The following C11orf42 variants were observed in gnomAD, a reference collection of about 807,000 sequenced individuals.
C11orf42 encodes the protein chromosome 11 open reading frame 42, also known as uncharacterized protein C11orf42.
C11orf42 carries 24 observed loss-of-function variants against 27.9 expected under a neutral mutation model. That is an observed-to-expected ratio of 0.86 (90% confidence interval 0.62 to 1.21). The LOEUF is 1.21. C11orf42 is among the 50% of genes most tolerant of loss of function. C11orf42 has a pLI of 0.00. For synonymous variants in C11orf42, 187 were observed against 180.8 expected, an observed-to-expected ratio of 1.03 and a Z score of -0.28; for missense variants, 455 against 424.1, an observed-to-expected ratio of 1.07 and a Z score of -0.64.
intron 1 of C11orf42, among the ~76,000 whole-genome samples, chr11:6,207,461 T>G (rs1041419374): frequency 6.6e-6 from 1 of 152,206 alleles, no homozygotes. Flanking sequence ...TTGTCTTATT[T>G]GTGTAGGATC....
rs1847054669 is a variant in C11orf42 at position 6,210,920 on chromosome 11, C to A, written c.880C>A (p.Leu294Ile). Reference protein sequence around the residue: ...RGPQILSENWLFSPRSPPPGA... With the variant: ...RGPQILSENWIFSPRSPPPGA... ...ATCCCCAACCCTGGCAGAGAACTGG[C>A]TCTTCAGCCCCCGCAGCCCTCCACC... Residue 294 changes from leucine to isoleucine, a missense_variant, in exon 3 of 3, where the codon CTC (leucine) becomes ATC (isoleucine). Physicochemically the swap from Leu to Ile is conservative, Grantham distance 5. Coordinates refer to ENST00000316375, the MANE Select transcript of C11orf42 (RefSeq NM_173525.3). The surrounding 1 kb of genome is among the most constrained non-coding windows in gnomAD (Gnocchi z 4.0). 6.2e-7 allele frequency: 1 copy of A among 1,606,404 alleles called. No homozygotes were observed. Among genetic ancestry groups the A allele is most frequent in the Non-Finnish European group, 8.5e-7 (1 of 1,177,300 alleles).
chr11:6,209,706 C>A lies in C11orf42; in HGVS notation c.73-144C>A, dbSNP rs544108196. On this transcript the variant is annotated intron_variant, in intron 1 of 2. Transcript: ENST00000316375. ...ACGTAAACATTCAAGGTTTTGCTGC[C>A]GGAGAGCTGGGAGGTAAGCAGAAAG... 104 of 766,442 alleles carry A rather than the reference C, an allele frequency of 1.4e-4. 1 individual carries two copies. The highest frequency in any genetic ancestry group is 1.3e-3 in the Middle Eastern group (4 of 3,076). The allele number at this position is 766,442 out of a possible 1,614,324, so 47.5% of individuals were successfully genotyped here.
At chr11:6,207,402 T>C (rs1202436523) in intron 1 of C11orf42, among the ~76,000 whole-genome samples, 1 of 152,198 alleles carries the variant, frequency 6.6e-6, no homozygotes, top group African/African-American at 2.4e-5. Context: ...ACCAGATATA[T>C]TAAATGTCAC....
In C11orf42 at chr11:6,210,225, C is replaced by G. The variant is rs1847034224; in HGVS notation, c.448C>G (p.Leu150Val). 1 of 1,614,240 alleles carries G rather than the reference C, an allele frequency of 6.2e-7. No individual in the cohort carries two copies. The highest frequency in any genetic ancestry group is 8.5e-7 in the Non-Finnish European group (1 of 1,180,040). The change falls in exon 2 of 3, where the codon CTT becomes GTT. Residue 150 changes from leucine to valine, a missense_variant. Leu to Val is a conservative substitution (Grantham distance 32, BLOSUM62 1). Coordinates refer to ENST00000316375, the MANE Select transcript of C11orf42 (RefSeq NM_173525.3). The surrounding 1 kb of genome is among the most constrained non-coding windows in gnomAD (Gnocchi z 4.0). ...PPGQVSLQQT[L>V]PWLRSTHSIY... Reference sequence around the variant, plus strand: ...AGGGCAGGTGAGCCTACAGCAGACTCTTCCCTGGCTCCGAAGCACCCACAG... The same window carrying G: ...AGGGCAGGTGAGCCTACAGCAGACTGTTCCCTGGCTCCGAAGCACCCACAG...
rs757745324 is a variant in C11orf42 at position 6,210,395 on chromosome 11, C to T, written c.618C>T (p.Gly206=). 20 of 1,614,034 alleles carry T rather than the reference C, an allele frequency of 1.2e-5. No individual in the cohort carries two copies. Among genetic ancestry groups the T allele is most frequent in the Admixed American group, 1.2e-4 (7 of 60,000 alleles). Residue 206 remains glycine (G), a synonymous_variant, in exon 2 of 3, where the codon GGC becomes GGT. Coordinates refer to ENST00000316375, the MANE Select transcript of C11orf42 (RefSeq NM_173525.3). This position sits in a 1 kb window ranked among gnomAD's most constrained non-coding sequence, Gnocchi z 4.0. The stretch of plus-strand genomic sequence containing the variant: ...TCAAGTTTTCACTGCAGTCTAAGGG[C>T]GTGCTGGGACCACAGAAGCCTCTCA... The part of the protein sequence containing the change: ...SCLKFSLQSK[G]VLGPQKPLTK...
intron 1 of C11orf42, among the ~76,000 whole-genome samples, chr11:6,207,509 G>A (rs963897647): frequency 1.3e-5 from 2 of 152,214 alleles, no homozygotes; most frequent in African/African-American, 4.8e-5. Context: ...AGATTCTGAT[G>A]TCATGCTTGG....
chr11:6,208,572 G>C (rs192004530), intron 1 of C11orf42, among the ~76,000 whole-genome samples: 1 of 152,084 alleles, frequency 6.6e-6, no homozygotes, highest in African/African-American at 2.4e-5. Context: ...GATTACAGGC[G>C]TGTGCCACCA....
Position 6,210,552 on chromosome 11 carries a change from C to T in C11orf42, c.775C>T (p.Pro259Ser). The change falls in exon 2 of 3, where the codon CCT (proline) becomes TCT (serine). Residue 259 changes from proline (P) to serine (S), a missense_variant. By Grantham distance (74) the Pro-to-Ser change is moderately conservative (BLOSUM62 -1). Transcript: ENST00000316375. This position sits in a 1 kb window ranked among gnomAD's most constrained non-coding sequence, Gnocchi z 4.0. ...TGTGCCCCCACCTGTCCCAGCCCCA[C>T]CTACGCCACCTCCCCAGGAAGGGCC... ...ADVPPPVPAP[P>S]TPPPQEGPED... 6.2e-7 allele frequency: 1 copy of T among 1,613,932 alleles called. No individual in the cohort carries two copies. The highest frequency in any genetic ancestry group is 8.5e-7 in the Non-Finnish European group (1 of 1,179,936).
chr11:6,206,598 G>A lies in C11orf42; in HGVS notation c.72+911G>A, dbSNP rs139737200. The stretch of plus-strand genomic sequence containing the variant: ...TAAAGCAGTGCCTACCACACTCAAA[G>A]AAGATTTAATGGCATGCTGCTTCCA... On this transcript the variant is annotated intron_variant, in intron 1 of 2. Coordinates refer to ENST00000316375, the MANE Select transcript of C11orf42 (RefSeq NM_173525.3). 3.6e-3 allele frequency among the ~76,000 whole-genome samples: 547 copies of A among 151,596 alleles called. 3 individuals are homozygous for A. Among genetic ancestry groups the A allele is most frequent in the African/African-American group, 0.013 (537 of 41,304 alleles).
chr11:6,205,691 G>A lies in C11orf42; in HGVS notation c.72+4G>A, dbSNP rs766736240. On this transcript the variant is annotated splice_donor_region_variant and intron_variant, in intron 1 of 2. Coordinates refer to ENST00000316375, the MANE Select transcript of C11orf42 (RefSeq NM_173525.3). Reference sequence around the variant, plus strand: ...CTGGACCCTCATCAAGGATAAGGTAGGTAAAGTAAGGAGGCTAAAGAGGAA... The same window carrying A: ...CTGGACCCTCATCAAGGATAAGGTAAGTAAAGTAAGGAGGCTAAAGAGGAA... 1 of 1,612,700 alleles carries A rather than the reference G, an allele frequency of 6.2e-7. No homozygotes were observed. Among genetic ancestry groups the A allele is most frequent in the Non-Finnish European group, 8.5e-7 (1 of 1,178,974 alleles).
rs1168253316 is a variant in C11orf42 at position 6,210,976 on chromosome 11, C to T, written c.936C>T (p.Pro312=). 3.7e-6 allele frequency: 6 copies of T among 1,607,232 alleles called. No homozygotes were observed. The highest frequency in any genetic ancestry group is 2.2e-5 in the East Asian group (1 of 44,786). ...CCCAGGGTGGGGGCCCCAGGGACCC[C>T]GACGGGCACTCCATGTCCCTGCCCC... ...PGAQGGGPRD[P]DGHSMSLPLL... is the part of the protein sequence containing the mutation. Residue 312 remains proline, a synonymous_variant, in exon 3 of 3, where the codon CCC becomes CCT. Transcript: ENST00000316375. The surrounding 1 kb of genome is among the most constrained non-coding windows in gnomAD (Gnocchi z 4.0).
In C11orf42 at chr11:6,211,115, AGCT is replaced by A; in HGVS notation, c.*80_*82del. ...GGGGTACTGGTCTCTAATAAACATCAGCTGCTGCTCCCCCAAACCATCCTGGGC... is the reference window on the plus strand; with the variant it reads ...GGGGTACTGGTCTCTAATAAACATCAGCTGCTCCCCCAAACCATCCTGGGC... On this transcript the variant is annotated 3_prime_UTR_variant, in exon 3 of 3. Transcript: ENST00000316375. The A allele has an allele frequency of 1.9e-6, 3 of 1,571,180 alleles. No homozygotes were observed. The highest frequency in any genetic ancestry group is 2.6e-6 in the Non-Finnish European group (3 of 1,162,772).
chr11:6,210,329 C>A lies in C11orf42; in HGVS notation c.552C>A (p.Leu184=). Residue 184 remains leucine, a synonymous_variant, in exon 2 of 3, where the codon CTC becomes CTA. Coordinates refer to ENST00000316375, the MANE Select transcript of C11orf42 (RefSeq NM_173525.3). The surrounding 1 kb of genome is among the most constrained non-coding windows in gnomAD (Gnocchi z 4.0). ...CGTCTACAGCCCGTGAGCCCCAGCT[C>A]CTCCGGCTACTTCGGTCATTACCTG... ...GLTSTAREPQ[L]LRLLRSLPVA... 3 of 1,614,196 alleles carry A rather than the reference C, an allele frequency of 1.9e-6. No individual in the cohort carries two copies. The South Asian group carries it at 3.3e-5, about 18-fold the overall frequency.
At position 6,205,604 on chromosome 11, in the gene C11orf42, C is replaced by T. The variant is rs752200373; in HGVS notation, c.-12C>T. The T allele has an allele frequency of 6.2e-7, 1 of 1,612,422 alleles. No homozygotes were observed. The highest frequency in any genetic ancestry group is 1.3e-5 in the African/African-American group (1 of 74,870). On this transcript the variant is annotated 5_prime_UTR_variant, in exon 1 of 3. Transcript: ENST00000316375. ...CAGCCACTGCCCTGCCCAATCCCTC[C>T]CATACCCCACCATGTTGGTGGGTAC...
chr11:6,207,454 T>C (rs1009101603), intron 1 of C11orf42, among the ~76,000 whole-genome samples: 1 of 152,212 alleles, frequency 6.6e-6, no homozygotes, highest in Non-Finnish European at 1.5e-5. Context: ...CTCCCATTTG[T>C]CTTATTTGTG....
At position 6,209,989 on chromosome 11, in the gene C11orf42, G is replaced by A. The variant is rs113327113; in HGVS notation, c.212G>A (p.Arg71Gln). 2.4e-5 allele frequency: 38 copies of A among 1,614,032 alleles called. No homozygotes were observed. The highest frequency in any genetic ancestry group is 1.1e-4 in the African/African-American group (8 of 75,062). Residue 71 changes from arginine (R) to glutamine (Q), a missense_variant, in exon 2 of 3, where the codon CGG becomes CAG. Transcript: ENST00000316375. Reference sequence around the variant, plus strand: ...CTGGCTTTGCCAGGTCGGCAGGGCCGGAGGGCACTGAAACCAGTGGGGCCA... The same window carrying A: ...CTGGCTTTGCCAGGTCGGCAGGGCCAGAGGGCACTGAAACCAGTGGGGCCA... The part of the protein sequence containing the change: ...TRLALPGRQG[R>Q]RALKPVGPLP...
chr11:6,211,051 C>T lies in C11orf42; in HGVS notation c.*9C>T. On this transcript the variant is annotated 3_prime_UTR_variant, in exon 3 of 3. Coordinates refer to ENST00000316375, the MANE Select transcript of C11orf42 (RefSeq NM_173525.3). ...TCGACAGTGACGACTGAAGCTGAAG[C>T]AAAAGATTCCGGGGGCAAAGCCCCC... 3.1e-6 allele frequency: 5 copies of T among 1,609,290 alleles called. No individual in the cohort carries two copies. Among genetic ancestry groups the T allele is most frequent in the Non-Finnish European group, 4.2e-6 (5 of 1,178,592 alleles).
rs756095643 is a variant in C11orf42 at position 6,210,098 on chromosome 11, G to A, written c.321G>A (p.Glu107=). Residue 107 remains glutamate, a synonymous_variant, in exon 2 of 3, where the codon GAG becomes GAA. Coordinates refer to ENST00000316375, the MANE Select transcript of C11orf42 (RefSeq NM_173525.3). This position sits in a 1 kb window ranked among gnomAD's most constrained non-coding sequence, Gnocchi z 4.0. ...TREYSPNGRA[E]RAYEETRMLD... Reference sequence around the variant, plus strand: ...AATACTCACCAAATGGCCGAGCAGAGAGAGCCTATGAAGAGACGCGAATGT... The same window carrying A: ...AATACTCACCAAATGGCCGAGCAGAAAGAGCCTATGAAGAGACGCGAATGT... 3.7e-6 allele frequency: 6 copies of A among 1,614,236 alleles called. No homozygotes were observed. Among genetic ancestry groups the A allele is most frequent in the Non-Finnish European group, 5.1e-6 (6 of 1,180,044 alleles).
rs199951133 is a variant in C11orf42 at position 6,210,857 on chromosome 11, A to AG, written c.872-48dup. The AG allele has an allele frequency of 0.041, 62,494 of 1,521,716 alleles. 1,369 individuals carry two copies. Among genetic ancestry groups the AG allele is most frequent in the African/African-American group, 0.053 (3,745 of 71,190 alleles). The allele number at this position is 1,521,716 out of a possible 1,614,324, so 94.3% of individuals were successfully genotyped here. On this transcript the variant is annotated intron_variant, in intron 2 of 2. Coordinates refer to ENST00000316375, the MANE Select transcript of C11orf42 (RefSeq NM_173525.3). This position sits in a 1 kb window ranked among gnomAD's most constrained non-coding sequence, Gnocchi z 4.0. ...GCACAGAGGACCAGAGGGAAAAGCTAGGGGGGGAAAAGACCAGCCATGAGT... is the reference window on the plus strand; with the variant it reads ...GCACAGAGGACCAGAGGGAAAAGCTAGGGGGGGGAAAAGACCAGCCATGAGT...
Sources: allele counts gnomAD v4.1 joint callset (sites outside exome capture counted in the v4.1 genomes callset), GRCh38; gene constraint gnomAD v4.1.1; non-coding constraint Gnocchi (gnomAD v3.1); transcripts MANE v1.5; gene names NCBI Gene and HGNC (gene_info 2026-07-23, HGNC 2026-07-21).